SMAD9: variants seen among roughly 807,000 people sequenced by gnomAD.
SMAD9 encodes MAD homolog 9.
In SMAD9, 36 loss-of-function variants were observed where a neutral mutation model predicts 46.1. That is an observed-to-expected ratio of 0.78 (90% CI 0.60 to 1.03). SMAD9 has a LOEUF of 1.03. Ranked by LOEUF, SMAD9 falls within the 50% of genes least tolerant of loss-of-function variation. The pLI, the probability that SMAD9 is intolerant of heterozygous loss-of-function variation, is 0.00. For synonymous variants in SMAD9, 245 were observed against 237.1 expected (o/e 1.03, Z -0.31); for missense variants, 572 against 599.8 (o/e 0.95, Z 0.48).
intron 6 of SMAD9, 139 bp downstream of exon 6, chr13:36,853,280 G>C (rs190523686): frequency 1.2e-6 from 1 of 819,728 alleles, no homozygotes; most frequent in African/African-American, 1.7e-5. Context: ...GTGAAACTCC[G>C]TCTCAAAAAA....
rs992527601 is a variant in SMAD9 at position 36,879,466 on chromosome 13, A to G, written c.224T>C (p.Leu75Pro). 8.1e-6 allele frequency: 13 copies of G among 1,613,704 alleles called. No individual in the cohort carries two copies. The highest frequency in any genetic ancestry group is 1.1e-5 in the Non-Finnish European group (13 of 1,180,014). The change falls in exon 2 of 7, where the codon CTG becomes CCG. Residue 75 changes from leucine to proline, a missense_variant. By Grantham distance (98) the Leu-to-Pro change is moderately conservative. Coordinates refer to ENST00000379826, the MANE Select transcript of SMAD9 (RefSeq NM_001127217.3). ...PSKCVTIPRS[L>P]DGRLQVSHRK... ...GTGGGACACCTGCAGCCGCCCGTCC[A>G]GGGAGCGGGGAATCGTGACGCATTT...
chr13:36,855,668 T>G (rs1233029653), intron 5 of SMAD9, among the ~76,000 whole-genome samples: 1 of 152,192 alleles, frequency 6.6e-6, no homozygotes, highest in Non-Finnish European at 1.5e-5. Context: ...CTAGGAAACG[T>G]TACTGACATA....
At chr13:36,899,280 T>G (rs2058554327) in intron 1 of SMAD9, among the ~76,000 whole-genome samples, 1 of 152,136 alleles carries the variant, frequency 6.6e-6, no homozygotes, top group Non-Finnish European at 1.5e-5. Context: ...AGAAATTAAA[T>G]GAAGAAATAT....
chr13:36,859,289 T>C (rs1286597742), intron 5 of SMAD9, among the ~76,000 whole-genome samples: 1 of 152,160 alleles, frequency 6.6e-6, no homozygotes, highest in East Asian at 1.9e-4. Flanking sequence ...GCAACCCAAA[T>C]ACCACCTGGA....
chr13:36,883,991 G>A lies in SMAD9; in HGVS notation c.-186-4116C>T, dbSNP rs114544368. Among the ~76,000 whole-genome samples the A allele has an allele frequency of 2.0e-3, 307 of 152,228 alleles. 2 individuals carry two copies. Among genetic ancestry groups the A allele is most frequent in the African/African-American group, 6.7e-3 (280 of 41,528 alleles). ...GGGTGTTTCTGAGCGATGGGTCCAG[G>A]ACTCCATGGCTGTTGGCTGGATGTG... On this transcript the variant is annotated intron_variant, in intron 1 of 6. Coordinates refer to ENST00000379826, the MANE Select transcript of SMAD9 (RefSeq NM_001127217.3).
chr13:36,884,144 G>A (rs2058426238), intron 1 of SMAD9, among the ~76,000 whole-genome samples: 1 of 152,170 alleles, frequency 6.6e-6, no homozygotes, highest in Admixed American at 6.5e-5. Context: ...CTCTGACACC[G>A]CTATCAAACT....
intron 2 of SMAD9, among the ~76,000 whole-genome samples, chr13:36,876,838 T>A (rs373940387): frequency 1.3e-5 from 2 of 152,292 alleles, no homozygotes; most frequent in East Asian, 1.9e-4. Context: ...ATTTTTATTA[T>A]TCCTAAAATA....
At chr13:36,907,721 T>G (rs2058630139) in intron 1 of SMAD9, among the ~76,000 whole-genome samples, 1 of 152,208 alleles carries the variant, frequency 6.6e-6, no homozygotes, top group African/African-American at 2.4e-5. Context: ...TTACTATTTA[T>G]ATTTTATCAC....
chr13:36,873,811 C>T (rs559256282), intron 2 of SMAD9, among the ~76,000 whole-genome samples: 4 of 152,114 alleles, frequency 2.6e-5, no homozygotes, highest in African/African-American at 7.2e-5. Context: ...TGCAGTGAGC[C>T]GAGATCATAC....
intron 1 of SMAD9, among the ~76,000 whole-genome samples, chr13:36,889,112 A>T (rs2058470577): frequency 6.6e-6 from 1 of 152,242 alleles, no homozygotes; most frequent in Admixed American, 6.5e-5. Context: ...CAGAAGAAAT[A>T]TCATAATTGA....
intron 5 of SMAD9, among the ~76,000 whole-genome samples, chr13:36,856,516 G>A (rs1030828089): frequency 7.9e-5 from 12 of 152,166 alleles, no homozygotes; most frequent in Admixed American, 1.3e-4. Context: ...TGCGGAGCCC[G>A]CCCAGAAACA....
intron 1 of SMAD9, among the ~76,000 whole-genome samples, chr13:36,919,707 G>A (rs1435972274): frequency 6.7e-6 from 1 of 148,566 alleles, no homozygotes; most frequent in Non-Finnish European, 1.5e-5. Context: ...CCCCCGCCGC[G>A]GGTCGAACAT....
intron 6 of SMAD9, among the ~76,000 whole-genome samples, chr13:36,851,224 C>T (rs1316288741): frequency 2.0e-5 from 3 of 152,164 alleles, no homozygotes; most frequent in Non-Finnish European, 2.9e-5. Context: ...CGGCTGCTCT[C>T]ATCTCACTTC....
At chr13:36,909,395 C>T (rs2058642657) in intron 1 of SMAD9, among the ~76,000 whole-genome samples, 1 of 152,152 alleles carries the variant, frequency 6.6e-6, no homozygotes, top group Non-Finnish European at 1.5e-5. Context: ...GCCAACATAA[C>T]AGTGATACAA....
Position 36,848,236 on chromosome 13 carries a change from C to A in SMAD9, c.*440G>T. 6.0e-6 allele frequency: 1 copy of A among 165,618 alleles called. No individual in the cohort carries two copies. The highest frequency in any genetic ancestry group is 5.8e-5 in the Admixed American group (1 of 17,138). 10.3% of individuals were successfully genotyped at this position (165,618 alleles called of 1,614,324 possible). On this transcript the variant is annotated 3_prime_UTR_variant, in exon 7 of 7. Transcript: ENST00000379826. Reference sequence around the variant, plus strand: ...AGCACTAAAAGTGACATCATTTAAACTGTAGGGGTTTCACTGCTTTGTTTC... The same window carrying A: ...AGCACTAAAAGTGACATCATTTAAAATGTAGGGGTTTCACTGCTTTGTTTC...
chr13:36,905,618 A>C (rs941534180), intron 1 of SMAD9, among the ~76,000 whole-genome samples: 2 of 151,782 alleles, frequency 1.3e-5, no homozygotes, highest in African/African-American at 4.8e-5. Context: ...AAACAAAAAA[A>C]CAAAAATTAG....
chr13:36,879,890 A>C lies in SMAD9; in HGVS notation c.-186-15T>G, dbSNP rs1340412653. 5.0e-6 allele frequency: 3 copies of C among 600,908 alleles called. No homozygotes were observed. Among genetic ancestry groups the C allele is most frequent in the Non-Finnish European group, 8.9e-6 (3 of 338,614 alleles). The allele number at this position is 600,908 out of a possible 1,614,324, so 37.2% of individuals were successfully genotyped here. On this transcript the variant is annotated splice_polypyrimidine_tract_variant and intron_variant, in intron 1 of 6. Coordinates refer to ENST00000379826, the MANE Select transcript of SMAD9 (RefSeq NM_001127217.3). ...GGTGGCCAACTCTGGAAAACACGACAAGACTTCAATTAGCTTAATCGGAGT... is the reference window on the plus strand; with the variant it reads ...GGTGGCCAACTCTGGAAAACACGACCAGACTTCAATTAGCTTAATCGGAGT...
At chr13:36,854,777 A>T (rs1172236778) in intron 5 of SMAD9, among the ~76,000 whole-genome samples, 1 of 152,198 alleles carries the variant, frequency 6.6e-6, no homozygotes, top group Non-Finnish European at 1.5e-5. Context: ...ACACTTAAAA[A>T]ATTTACCAAT....
chr13:36,890,886 G>A (rs939975764), intron 1 of SMAD9, among the ~76,000 whole-genome samples: 36 of 151,974 alleles, frequency 2.4e-4, no homozygotes, highest in African/African-American at 8.0e-4. Flanking sequence ...GTGAGCTGGT[G>A]GCAGAGCAGG....
Sources: gnomAD v4.1 joint callset for allele counts (sites outside exome capture counted in the v4.1 genomes callset) on GRCh38, gnomAD v4.1.1 for gene constraint, MANE v1.5 for transcripts, NCBI Gene and HGNC (gene_info 2026-07-23, HGNC 2026-07-21) for gene names.